Variants in KLF8 observed in about 807,000 individuals in gnomAD.
The protein encoded by KLF8 is Krueppel-like factor 8.
Under a neutral mutation model 18.2 loss-of-function variants are expected in KLF8, and 10 were observed. That is an observed-to-expected ratio of 0.55 (90% CI 0.34 to 0.93). The LOEUF (loss-of-function observed/expected upper bound fraction) is 0.93. Ranked by LOEUF, KLF8 falls within the 40% of genes least tolerant of loss-of-function variation. The probability of loss-of-function intolerance (pLI) is 0.02; values close to 1 mark genes in which losing one functional copy is unlikely to be tolerated. For synonymous variants in KLF8, 109 were observed against 97.3 expected (o/e 1.12, Z -0.71); for missense variants, 264 against 277.9 (o/e 0.95, Z 0.36).
chrX:56,125,841 C>T, the KLF8 span, among the ~76,000 whole-genome samples: 2 of 111,727 alleles, frequency 1.8e-5, no homozygotes, highest in African/African-American at 6.5e-5. Flanking sequence ...CTTCTCTGAA[C>T]CTCAGCTATA....
the KLF8 span, among the ~76,000 whole-genome samples, chrX:56,032,053 A>G: frequency 9.0e-6 from 1 of 111,136 alleles, no homozygotes; most frequent in Non-Finnish European, 1.9e-5. Context: ...TTTAACTACC[A>G]GGTTAGGTCA....
At chrX:56,031,984 C>T in the KLF8 span, among the ~76,000 whole-genome samples, 1 of 111,077 alleles carries the variant, frequency 9.0e-6, no homozygotes, top group African/African-American at 3.3e-5. Flanking sequence ...TTCACAATGT[C>T]CTTCCATACA....
At chrX:56,136,598 T>C in the KLF8 span, among the ~76,000 whole-genome samples, 5 of 111,163 alleles carry the variant, frequency 4.5e-5, no homozygotes, top group South Asian at 1.5e-3. Context: ...TATACAAAAA[T>C]CAATTCAAGA....
the KLF8 span, among the ~76,000 whole-genome samples, chrX:55,915,055 C>T: frequency 1.8e-5 from 2 of 110,697 alleles, no homozygotes. Context: ...ACTCAAAAAT[C>T]ATTGTTGATC....
chrX:56,177,594 C>G, the KLF8 span, among the ~76,000 whole-genome samples: 3 of 111,587 alleles, frequency 2.7e-5, no homozygotes, highest in Non-Finnish European at 5.6e-5. Context: ...AGATCTCCAG[C>G]TGTGTGCTGG....
the KLF8 span, among the ~76,000 whole-genome samples, chrX:56,177,275 G>T: frequency 9.0e-6 from 1 of 110,519 alleles, no homozygotes; most frequent in Non-Finnish European, 1.9e-5. Flanking sequence ...TACAGATGGG[G>T]TTTTGTTGTG....
rs936446933 is a variant in KLF8 at position 56,286,941 on chromosome X, G to A, written c.*2447G>A. ...AGCTAATAATTCAGTAGTTGATGCA[G>A]TATTTCACAGTAGAGCCCGAGCTTA... On this transcript the variant is annotated 3_prime_UTR_variant, in exon 6 of 6. Coordinates refer to ENST00000468660, the MANE Select transcript of KLF8 (RefSeq NM_007250.5). 3 of 111,821 alleles carry A rather than the reference G, an allele frequency of 2.7e-5. No homozygotes were observed. The highest frequency in any genetic ancestry group is 9.8e-5 in the African/African-American group (3 of 30,760). 9.2% of individuals were successfully genotyped at this position (111,821 alleles called of 1,213,427 possible).
chrX:55,956,375 G>A, the KLF8 span, among the ~76,000 whole-genome samples: 1 of 111,491 alleles, frequency 9.0e-6, no homozygotes, highest in African/African-American at 3.3e-5. Flanking sequence ...ATACAAATAT[G>A]TCTTTGAGAC....
the KLF8 span, among the ~76,000 whole-genome samples, chrX:56,176,400 T>C: frequency 8.9e-6 from 1 of 111,911 alleles, no homozygotes; most frequent in African/African-American, 3.2e-5. Context: ...GGTTTGAATA[T>C]TCTTTTCTTT....
chrX:56,160,970 G>C, the KLF8 span, among the ~76,000 whole-genome samples: 1 of 111,332 alleles, frequency 9.0e-6, no homozygotes, highest in South Asian at 3.8e-4. Flanking sequence ...AGTTGATGCA[G>C]TTTCTTCCTA....
chrX:56,100,222 T>G, the KLF8 span, among the ~76,000 whole-genome samples: 1 of 111,163 alleles, frequency 9.0e-6, no homozygotes, highest in African/African-American at 3.3e-5. Context: ...GAACAAAGCC[T>G]GGATGACAAC....
the KLF8 span, among the ~76,000 whole-genome samples, chrX:56,166,913 C>T: frequency 5.4e-5 from 6 of 110,879 alleles, no homozygotes; most frequent in Non-Finnish European, 9.4e-5. Context: ...ATTGAGAACC[C>T]GAGAGGCCTA....
At chrX:56,170,805 A>G in the KLF8 span, among the ~76,000 whole-genome samples, 1 of 111,636 alleles carries the variant, frequency 9.0e-6, no homozygotes, top group African/African-American at 3.3e-5. Context: ...AAACTAGAAA[A>G]AGATATCAGT....
the KLF8 span, among the ~76,000 whole-genome samples, chrX:56,188,798 G>T: frequency 8.9e-6 from 1 of 112,117 alleles, no homozygotes; most frequent in Non-Finnish European, 1.9e-5. Flanking sequence ...AAATGGTGCT[G>T]GGAAAACTGG....
chrX:56,085,448 A>G, the KLF8 span, among the ~76,000 whole-genome samples: 1 of 112,136 alleles, frequency 8.9e-6, no homozygotes, highest in Non-Finnish European at 1.9e-5. Flanking sequence ...GAATGTTCAT[A>G]TTTCAGCTCA....
the KLF8 span, among the ~76,000 whole-genome samples, chrX:55,931,883 C>G: frequency 9.2e-6 from 1 of 108,612 alleles, no homozygotes; most frequent in African/African-American, 3.4e-5. Flanking sequence ...TCTGTTAGGT[C>G]TGTTTTTTCC....
the KLF8 span, among the ~76,000 whole-genome samples, chrX:56,083,852 T>A: frequency 3.5e-4 from 39 of 111,881 alleles, no homozygotes; most frequent in African/African-American, 1.1e-3. Context: ...TAATGCCTGA[T>A]AATCTGAGGT....
the KLF8 span, among the ~76,000 whole-genome samples, chrX:56,100,935 G>A: frequency 1.8e-5 from 2 of 111,571 alleles, no homozygotes; most frequent in Admixed American, 1.9e-4. Context: ...TCACAATTTT[G>A]CAACTATCAT....
the KLF8 span, among the ~76,000 whole-genome samples, chrX:55,942,268 C>T: frequency 9.2e-6 from 1 of 108,847 alleles, no homozygotes; most frequent in African/African-American, 3.4e-5. Flanking sequence ...ATCGCAAGGA[C>T]AAAAAACCAA....
Sources: allele counts gnomAD v4.1 joint callset (sites outside exome capture counted in the v4.1 genomes callset), GRCh38; gene constraint gnomAD v4.1.1; transcripts MANE v1.5; gene names NCBI Gene and HGNC (gene_info 2026-07-23, HGNC 2026-07-21).